NCAM2: variants seen among roughly 807,000 people sequenced by gnomAD.
NCAM2 encodes N-CAM-2.
NCAM2 carries 30 observed loss-of-function variants against 98.1 expected under a neutral mutation model. The observed-to-expected ratio is 0.31, with a 90% CI of 0.23 to 0.41. The LOEUF (loss-of-function observed/expected upper bound fraction) is 0.41, where lower values mean the gene tolerates loss of function less well. Among genes scored for constraint, NCAM2 ranks in the 10% least tolerant of loss-of-function variants. The pLI is 1.00. For synonymous variants in NCAM2, 368 were observed against 342.4 expected, an observed-to-expected ratio of 1.07 and a Z score of -0.83; for missense variants, 867 against 1,005.8, an observed-to-expected ratio of 0.86 and a Z score of 1.87.
At chr21:21,203,787 G>A (rs535779714) in intron 1 of NCAM2, among the ~76,000 whole-genome samples, 1 of 152,268 alleles carries the variant, frequency 6.6e-6, no homozygotes, top group South Asian at 2.1e-4. Flanking sequence ...CTTAAAGTGT[G>A]TAGGTATTGA....
At chr21:21,067,895 A>G (rs977805350) in intron 1 of NCAM2, among the ~76,000 whole-genome samples, 11 of 152,056 alleles carry the variant, frequency 7.2e-5, no homozygotes, top group African/African-American at 2.4e-4. Flanking sequence ...GAGATGGATG[A>G]TGTATATTGG....
intron 9 of NCAM2, among the ~76,000 whole-genome samples, chr21:21,392,253 C>T (rs2076397188): frequency 6.6e-6 from 1 of 152,182 alleles, no homozygotes; most frequent in African/African-American, 2.4e-5. Flanking sequence ...CCACCAGATC[C>T]ATCTATGTCC....
At chr21:21,510,489 C>A (rs553792700) in intron 16 of NCAM2, among the ~76,000 whole-genome samples, 1 of 152,032 alleles carries the variant, frequency 6.6e-6, no homozygotes. Flanking sequence ...GTATTAGGAC[C>A]ATTCATGTTT....
rs1333331451 is a variant in NCAM2, at chr21:21,523,198, T to C, written c.2283-11339T>C. Among the ~76,000 whole-genome samples, 4 of 152,170 alleles carry C rather than the reference T, an allele frequency of 2.6e-5. No individual in the cohort carries two copies. The South Asian group carries it at 8.3e-4, about 31-fold the overall frequency. On this transcript the variant is annotated intron_variant, in intron 16 of 17. Coordinates refer to ENST00000400546, the MANE Select transcript of NCAM2 (RefSeq NM_004540.5). ...TCAGATCCTTTTAAGCTTGATGCGATCCCATCTGTCCATTTTTTGTTTTGG... is the reference window on the plus strand; with the variant it reads ...TCAGATCCTTTTAAGCTTGATGCGACCCCATCTGTCCATTTTTTGTTTTGG...
At chr21:21,481,842 G>A (rs913112308) in intron 15 of NCAM2, among the ~76,000 whole-genome samples, 4 of 152,228 alleles carry the variant, frequency 2.6e-5, no homozygotes, top group South Asian at 2.1e-4. Flanking sequence ...AGTGGCTCAC[G>A]CCTATAATCC....
At chr21:21,327,829 T>A (rs1266295331) in intron 6 of NCAM2, among the ~76,000 whole-genome samples, 1 of 152,112 alleles carries the variant, frequency 6.6e-6, no homozygotes, top group African/African-American at 2.4e-5. Flanking sequence ...ATAACATCAA[T>A]AAGATAATTA....
intron 1 of NCAM2, among the ~76,000 whole-genome samples, chr21:21,052,188 C>T (rs151306882): frequency 0.061 from 8,069 of 132,466 alleles, 250 homozygotes; most frequent in East Asian, 0.088. Context: ...GACGGAGTCT[C>T]GCTCTGTCGC....
intron 12 of NCAM2, among the ~76,000 whole-genome samples, chr21:21,453,451 A>T (rs1981645274): frequency 6.6e-6 from 1 of 152,106 alleles, no homozygotes; most frequent in African/African-American, 2.4e-5. Flanking sequence ...CCAATGTCCC[A>T]TGGGGCCTTA....
intron 1 of NCAM2, among the ~76,000 whole-genome samples, chr21:21,061,009 CT>C (rs1300243039): frequency 1.3e-5 from 2 of 152,016 alleles, no homozygotes; most frequent in Non-Finnish European, 2.9e-5. Flanking sequence ...CAGATGCCAT[CT>C]TTTTTTCCTC....
intron 1 of NCAM2, among the ~76,000 whole-genome samples, chr21:21,162,390 A>T (rs1273019408): frequency 6.6e-6 from 1 of 152,262 alleles, no homozygotes; most frequent in South Asian, 2.1e-4. Context: ...AAATATACAT[A>T]AAACATAAAG....
chr21:21,199,470 G>C (rs1345159329), intron 1 of NCAM2, among the ~76,000 whole-genome samples: 1 of 152,188 alleles, frequency 6.6e-6, no homozygotes, highest in Non-Finnish European at 1.5e-5. Flanking sequence ...CTGAAGCTTA[G>C]CATCCAGGCC....
intron 1 of NCAM2, among the ~76,000 whole-genome samples, chr21:21,097,142 GCAACCA>G (rs1229376003): frequency 6.6e-6 from 1 of 151,688 alleles, no homozygotes; most frequent in African/African-American, 2.4e-5. Flanking sequence ...AAGAGGTAAG[GCAACCA>G]CAGGCTTTCC....
At chr21:21,145,201 T>C (rs8133357) in intron 1 of NCAM2, among the ~76,000 whole-genome samples, 101,967 of 151,960 alleles carry the variant, frequency 0.67, 34,244 homozygotes, top group East Asian at 0.87. Flanking sequence ...GAGTGAAGGG[T>C]TTTGAAGCCC....
rs970199841 is a variant in NCAM2 at position 21,530,182 on chromosome 21, G to A, written c.2283-4355G>A. On this transcript the variant is annotated intron_variant, in intron 16 of 17. Coordinates refer to ENST00000400546, the MANE Select transcript of NCAM2 (RefSeq NM_004540.5). ...GATTTAATTTAATTTAATTATATAT[G>A]ATTTAATTTAATTTAATTATATATA... Among the ~76,000 whole-genome samples the A allele has an allele frequency of 9.7e-4, 72 of 74,250 alleles. 1 individual carries two copies. Among genetic ancestry groups the A allele is most frequent in the African/African-American group, 3.0e-3 (62 of 21,014 alleles). 48.7% of individuals were successfully genotyped at this position (74,250 alleles called of 152,430 possible).
intron 1 of NCAM2, among the ~76,000 whole-genome samples, chr21:21,275,137 T>C (rs35840213): frequency 0.12 from 17,664 of 152,172 alleles, 1,362 homozygotes; most frequent in Non-Finnish European, 0.17. Context: ...AGAAATAATC[T>C]TTATTTAAAA....
intron 1 of NCAM2, among the ~76,000 whole-genome samples, chr21:21,047,773 T>G (rs2065029610): frequency 6.6e-6 from 1 of 152,186 alleles, no homozygotes; most frequent in African/African-American, 2.4e-5. Context: ...GCTGTGTGGA[T>G]TTTTGTTCTG....
At chr21:21,344,577 A>C (rs996414217) in intron 8 of NCAM2, among the ~76,000 whole-genome samples, 2 of 152,070 alleles carry the variant, frequency 1.3e-5, no homozygotes, top group African/African-American at 4.8e-5. Flanking sequence ...GAAGAACTGA[A>C]TCTTGTGGTC....
intron 8 of NCAM2, among the ~76,000 whole-genome samples, chr21:21,350,704 G>A (rs1289345457): frequency 6.6e-6 from 1 of 152,114 alleles, no homozygotes; most frequent in Non-Finnish European, 1.5e-5. Flanking sequence ...AGCATTTTAT[G>A]TACATGTAAA....
chr21:21,338,385 A>C lies in NCAM2; in HGVS notation c.899-4A>C. The C allele has an allele frequency of 6.2e-7, 1 of 1,607,772 alleles. No homozygotes were observed. Among genetic ancestry groups the C allele is most frequent in the Non-Finnish European group, 8.5e-7 (1 of 1,175,370 alleles). On this transcript the variant is annotated splice_polypyrimidine_tract_variant and splice_region_variant and intron_variant, in intron 7 of 17. Coordinates refer to ENST00000400546, the MANE Select transcript of NCAM2 (RefSeq NM_004540.5). ...CGGTTGAGTAATATATATATTCTTTACAGTACAGCCTCACATAATACAGCT... is the reference window on the plus strand; with the variant it reads ...CGGTTGAGTAATATATATATTCTTTCCAGTACAGCCTCACATAATACAGCT...
Sources: allele counts gnomAD v4.1 joint callset (sites outside exome capture counted in the v4.1 genomes callset), GRCh38; gene constraint gnomAD v4.1.1; transcripts MANE v1.5; gene names NCBI Gene and HGNC (gene_info 2026-07-23, HGNC 2026-07-21).